The following PGM5 variants were observed in gnomAD, a reference collection of about 807,000 sequenced individuals.
PGM5 encodes phosphoglucomutase 5.
In PGM5, 23 loss-of-function variants were observed where a neutral mutation model predicts 59.2. That is an observed-to-expected ratio of 0.39 (90% CI 0.28 to 0.55). PGM5 has a LOEUF of 0.55. Among genes scored for constraint, PGM5 ranks in the 20% least tolerant of loss-of-function variants. The probability of loss-of-function intolerance (pLI) is 0.66; values close to 1 mark genes in which losing one functional copy is unlikely to be tolerated. For missense variants in PGM5, 574 were observed against 748.3 expected (o/e 0.77, Z 2.72); for synonymous variants, 214 against 286.0 (o/e 0.75, Z 2.54).
chr9:68,519,740 T>C (rs1215956479), intron 10 of PGM5, among the ~76,000 whole-genome samples: 1 of 151,532 alleles, frequency 6.6e-6, no homozygotes, highest in Non-Finnish European at 1.5e-5. Context: ...TACTGGTTAT[T>C]ACTTTAAATA....
chr9:68,373,197 A>G (rs1315266031), intron 1 of PGM5, among the ~76,000 whole-genome samples: 6 of 134,040 alleles, frequency 4.5e-5, no homozygotes, highest in African/African-American at 1.7e-4. Flanking sequence ...TATCTTCACA[A>G]TTTTCCATGT....
chr9:68,494,947 G>A (rs1401409666), intron 9 of PGM5, among the ~76,000 whole-genome samples: 2 of 152,254 alleles, frequency 1.3e-5, no homozygotes, highest in African/African-American at 4.8e-5. Context: ...GCCTCAGGGG[G>A]ACTGCAGTGG....
chr9:68,518,336 A>G (rs377633353), intron 10 of PGM5, among the ~76,000 whole-genome samples: 1 of 152,360 alleles, frequency 6.6e-6, no homozygotes, highest in African/African-American at 2.4e-5. Flanking sequence ...AGTTATTTCT[A>G]TAAGCAATTT....
In PGM5 at chr9:68,425,524, GA is replaced by G. The variant is rs1271706771; in HGVS notation, c.1043+33058del. On this transcript the variant is annotated intron_variant, in intron 6 of 10. Coordinates refer to ENST00000396396, the MANE Select transcript of PGM5 (RefSeq NM_021965.4). ...TATATTCCTTAATGTACATAATGGA[GA>G]AAAAAACCCAAGAGAGCACTCCAAG... is the stretch of plus-strand genomic sequence containing the variant. Among the ~76,000 whole-genome samples the G allele has an allele frequency of 5.3e-5, 8 of 152,068 alleles. No individual in the cohort carries two copies. The East Asian group carries it at 1.3e-3, about 26-fold the overall frequency.
rs1314143220 is a variant in PGM5, at chr9:68,530,817, C to T, written c.*1161C>T. ...CTGTACTCAGCCAGGACACCCAGCGCGTGGGACCTGTTTGTGTCTGTTTTG... is the reference window on the plus strand; with the variant it reads ...CTGTACTCAGCCAGGACACCCAGCGTGTGGGACCTGTTTGTGTCTGTTTTG... On this transcript the variant is annotated 3_prime_UTR_variant, in exon 11 of 11. Coordinates refer to ENST00000396396, the MANE Select transcript of PGM5 (RefSeq NM_021965.4). 8 of 152,214 alleles carry T rather than the reference C, an allele frequency of 5.3e-5. No individual in the cohort carries two copies. Among genetic ancestry groups the T allele is most frequent in the African/African-American group, 1.4e-4 (6 of 41,436 alleles). 9.4% of individuals were successfully genotyped at this position (152,214 alleles called of 1,614,324 possible).
At chr9:68,478,990 G>T (rs1824148003) in intron 7 of PGM5, among the ~76,000 whole-genome samples, 1 of 152,090 alleles carries the variant, frequency 6.6e-6, no homozygotes, top group East Asian at 1.9e-4. Context: ...GATGCATCTT[G>T]TTCTCTTATC....
At chr9:68,463,181 TG>T (rs1265259057) in intron 6 of PGM5, among the ~76,000 whole-genome samples, 3 of 150,278 alleles carry the variant, frequency 2.0e-5, no homozygotes, top group Admixed American at 2.0e-4. Flanking sequence ...AGTTTCTAGA[TG>T]TTTTTTTTTT....
At chr9:68,502,589 G>A (rs1157845788) in intron 10 of PGM5, among the ~76,000 whole-genome samples, 2 of 152,184 alleles carry the variant, frequency 1.3e-5, no homozygotes, top group Non-Finnish European at 2.9e-5. Flanking sequence ...TACTTTCAAG[G>A]CAGAATACAG....
At chr9:68,410,887 TG>T (rs1822917487) in intron 6 of PGM5, among the ~76,000 whole-genome samples, 1 of 152,124 alleles carries the variant, frequency 6.6e-6, no homozygotes, top group Admixed American at 6.5e-5. Context: ...GCAGCAGAGG[TG>T]GGTAATTCAT....
chr9:68,513,635 C>T (rs1398857308), intron 10 of PGM5, among the ~76,000 whole-genome samples: 2 of 152,198 alleles, frequency 1.3e-5, no homozygotes, highest in African/African-American at 2.4e-5. Flanking sequence ...ATTTCAGTCA[C>T]ATTAACAGTG....
chr9:68,363,317 G>C (rs1318293852), intron 1 of PGM5, among the ~76,000 whole-genome samples: 59 of 152,152 alleles, frequency 3.9e-4, no homozygotes, highest in African/African-American at 1.4e-3. Context: ...CACTTGAAAT[G>C]TGGCTAGAGC....
chr9:68,366,879 G>T (rs1437382867), intron 1 of PGM5, among the ~76,000 whole-genome samples: 3 of 152,146 alleles, frequency 2.0e-5, no homozygotes, highest in African/African-American at 7.2e-5. Context: ...AAAATATTTT[G>T]CTCTGATTAA....
intron 6 of PGM5, among the ~76,000 whole-genome samples, chr9:68,461,688 A>G (rs1264532162): frequency 6.6e-6 from 1 of 152,060 alleles, no homozygotes; most frequent in Non-Finnish European, 1.5e-5. Flanking sequence ...TCACCACACC[A>G]GATGCTGGTG....
At chr9:68,466,495 GT>G (rs1297604837) in intron 7 of PGM5, 1 of 167,462 alleles carries the variant, frequency 6.0e-6, no homozygotes, top group African/African-American at 2.4e-5. Context: ...GGGTTTTCCT[GT>G]TTTTTGTAGA....
chr9:68,482,786 G>A (rs188944259), intron 8 of PGM5, among the ~76,000 whole-genome samples: 1 of 152,306 alleles, frequency 6.6e-6, no homozygotes, highest in Admixed American at 6.5e-5. Context: ...GGTGGTGATG[G>A]CAAATAAAAG....
Position 68,413,406 on chromosome 9 carries a change from AACACACAGACTCAC to A in PGM5, c.1043+20938_1043+20951del, listed in dbSNP as rs1407802172. 2.0e-5 allele frequency among the ~76,000 whole-genome samples: 3 copies of A among 152,132 alleles called. No individual in the cohort carries two copies. In the East Asian group the frequency reaches 5.8e-4, roughly 29 times the overall value. ...AAATATTTTCAGAAACAGCTATGCAAACACACAGACTCACACACGCAAGTACTCACCAAACCTTG... is the reference window on the plus strand; with the variant it reads ...AAATATTTTCAGAAACAGCTATGCAAACACGCAAGTACTCACCAAACCTTG... On this transcript the variant is annotated intron_variant, in intron 6 of 10. Coordinates refer to ENST00000396396, the MANE Select transcript of PGM5 (RefSeq NM_021965.4).
At chr9:68,479,100 C>G (rs1158629975) in intron 7 of PGM5, among the ~76,000 whole-genome samples, 1 of 152,196 alleles carries the variant, frequency 6.6e-6, no homozygotes, top group Non-Finnish European at 1.5e-5. Flanking sequence ...AGACGTAGAA[C>G]AATGCCTGAT....
intron 10 of PGM5, among the ~76,000 whole-genome samples, chr9:68,516,624 A>C (rs1305268331): frequency 6.6e-6 from 1 of 152,182 alleles, no homozygotes; most frequent in African/African-American, 2.4e-5. Flanking sequence ...CCATCTGGCC[A>C]CTGAGGTCCC....
At chr9:68,505,538 A>G (rs1824640288) in intron 10 of PGM5, among the ~76,000 whole-genome samples, 2 of 152,194 alleles carry the variant, frequency 1.3e-5, no homozygotes, top group South Asian at 4.1e-4. Flanking sequence ...AGATTTAATA[A>G]TTCACTAGAA....
Sources: allele counts gnomAD v4.1 joint callset (sites outside exome capture counted in the v4.1 genomes callset), GRCh38; gene constraint gnomAD v4.1.1; transcripts MANE v1.5; gene names NCBI Gene and HGNC (gene_info 2026-07-23, HGNC 2026-07-21).